Variants in ERN1 observed in about 807,000 individuals in gnomAD.
The protein encoded by ERN1 is endoplasmic reticulum to nucleus signaling 1, also known as serine/threonine-protein kinase/endoribonuclease IRE1.
In ERN1, 39 loss-of-function variants were observed where a neutral mutation model predicts 113.1. The observed-to-expected ratio is 0.34, with a 90% CI of 0.27 to 0.45. The LOEUF (loss-of-function observed/expected upper bound fraction) is 0.45, where lower values mean the gene tolerates loss of function less well. Among genes scored for constraint, ERN1 ranks in the 20% least tolerant of loss-of-function variants. The pLI, the probability that ERN1 is intolerant of heterozygous loss-of-function variation, is 1.00. For missense variants in ERN1, 976 were observed against 1,274.8 expected (o/e 0.77, Z 3.57); for synonymous variants, 507 against 515.9 (o/e 0.98, Z 0.23).
intron 17 of ERN1, among the ~76,000 whole-genome samples, chr17:64,050,556 G>A (rs1465693090): frequency 3.9e-5 from 6 of 152,302 alleles, no homozygotes; most frequent in Non-Finnish European, 7.3e-5. Flanking sequence ...GGATTCAACC[G>A]TAAGGGACTG....
At chr17:64,056,254 TC>T (rs1237421842) in intron 12 of ERN1, among the ~76,000 whole-genome samples, 1 of 152,310 alleles carries the variant, frequency 6.6e-6, no homozygotes, top group East Asian at 1.9e-4. Flanking sequence ...GTTCTAAAAT[TC>T]TGTGATTTTC....
intron 17 of ERN1, among the ~76,000 whole-genome samples, chr17:64,050,814 T>A (rs930558093): frequency 2.0e-5 from 3 of 152,228 alleles, no homozygotes; most frequent in African/African-American, 7.2e-5. Context: ...CGTGCGTGCG[T>A]GTTTTTATGA....
chr17:64,068,671 T>A (rs1023901277), intron 6 of ERN1, among the ~76,000 whole-genome samples: 1 of 152,196 alleles, frequency 6.6e-6, no homozygotes, highest in East Asian at 1.9e-4. Flanking sequence ...ACCTAAAACA[T>A]GTGGCATTGA....
intron 1 of ERN1, among the ~76,000 whole-genome samples, chr17:64,124,411 T>C (rs1915026984): frequency 6.6e-6 from 1 of 152,232 alleles, no homozygotes; most frequent in Non-Finnish European, 1.5e-5. Flanking sequence ...AATCTCATCT[T>C]GTAGCTCCCA....
intron 17 of ERN1, among the ~76,000 whole-genome samples, chr17:64,051,750 A>C (rs1216375442): frequency 6.6e-6 from 1 of 152,092 alleles, no homozygotes; most frequent in Non-Finnish European, 1.5e-5. Context: ...TGGTATATAA[A>C]ACCCAGTAGG....
In ERN1 at chr17:64,042,296, A is replaced by C. The variant is rs886214051; in HGVS notation, c.*1692T>G. ...CAAGGCCTAAGTGAGGTAATCGATG[A>C]GATTTAAGGATGTAGGATCACGTTA... On this transcript the variant is annotated 3_prime_UTR_variant, in exon 22 of 22. Transcript: ENST00000433197. 1 of 152,224 alleles carries C rather than the reference A, an allele frequency of 6.6e-6. No individual in the cohort carries two copies. The highest frequency in any genetic ancestry group is 1.5e-5 in the Non-Finnish European group (1 of 68,036). 9.4% of individuals were successfully genotyped at this position (152,224 alleles called of 1,614,324 possible).
At chr17:64,053,465 G>A (rs1001461817) in intron 15 of ERN1, 94 bp from the exon 16 acceptor site, 3 of 813,872 alleles carry the variant, frequency 3.7e-6, no homozygotes, top group Non-Finnish European at 3.5e-6. Context: ...GAAAGAAATG[G>A]CAAGTTTTAC....
chr17:64,053,465 G>C (rs1001461817), intron 15 of ERN1, 94 bp from the exon 16 acceptor site: 1 of 813,992 alleles, frequency 1.2e-6, no homozygotes, highest in Non-Finnish European at 1.8e-6. Context: ...GAAAGAAATG[G>C]CAAGTTTTAC....
rs1373058876 is a variant in ERN1, at chr17:64,114,588, A to T, written c.54+15388T>A. On this transcript the variant is annotated intron_variant, in intron 1 of 21. Coordinates refer to ENST00000433197, the MANE Select transcript of ERN1 (RefSeq NM_001433.5). ...ATATGGGACACGGTGAGGTTGGGGG[A>T]GAAGTCCCAGAATGGCGTGGGCCAC... Among the ~76,000 whole-genome samples the T allele has an allele frequency of 5.3e-5, 8 of 152,268 alleles. No homozygotes were observed. In the East Asian group the frequency reaches 1.5e-3, roughly 29 times the overall value.
At chr17:64,120,666 T>A (rs1173021550) in intron 1 of ERN1, among the ~76,000 whole-genome samples, 1 of 152,136 alleles carries the variant, frequency 6.6e-6, no homozygotes, top group Non-Finnish European at 1.5e-5. Flanking sequence ...GTTTACCTCA[T>A]GGAGTTTGGC....
At chr17:64,121,137 T>C (rs979675429) in intron 1 of ERN1, among the ~76,000 whole-genome samples, 1 of 152,154 alleles carries the variant, frequency 6.6e-6, no homozygotes, top group African/African-American at 2.4e-5. Flanking sequence ...CTAAGCTAAC[T>C]TGAATCCCTC....
intron 2 of ERN1, among the ~76,000 whole-genome samples, chr17:64,084,258 G>A (rs951371416): frequency 2.6e-5 from 4 of 152,228 alleles, no homozygotes; most frequent in Admixed American, 1.3e-4. Context: ...TGACTCAAAC[G>A]ACACTGTTGA....
intron 6 of ERN1, among the ~76,000 whole-genome samples, chr17:64,070,146 C>T (rs552222374): frequency 5.3e-5 from 8 of 152,210 alleles, no homozygotes; most frequent in East Asian, 1.9e-4. Context: ...AGAGGGAGCC[C>T]GCTGCCATAT....
intron 1 of ERN1, among the ~76,000 whole-genome samples, chr17:64,109,525 G>A (rs75161166): frequency 0.024 from 3,591 of 152,224 alleles, 158 homozygotes; most frequent in African/African-American, 0.082. Flanking sequence ...CTTCTCTACC[G>A]GCCCAGGCCA....
At chr17:64,055,102 G>A (rs72849203) in intron 13 of ERN1, among the ~76,000 whole-genome samples, 8 of 152,346 alleles carry the variant, frequency 5.3e-5, no homozygotes, top group Non-Finnish European at 1.0e-4. Flanking sequence ...ATTCTCCATA[G>A]CGTTTCACAC....
rs781061176 is a variant in ERN1 at position 64,060,484 on chromosome 17, T to C, written c.1191A>G (p.Lys397=). ...RENVIPADSE[K]KSFEEVINLV... The stretch of plus-strand genomic sequence containing the variant: ...CCTCACTCACTTCCTCAAAGCTCTT[T>C]TTCTCTGAATCAGCAGGAATCACAT... Residue 397 remains lysine, a synonymous_variant, in exon 11 of 22, where the codon AAA becomes AAG. Transcript: ENST00000433197. 6.2e-7 allele frequency: 1 copy of C among 1,613,052 alleles called. No individual in the cohort carries two copies. The highest frequency in any genetic ancestry group is 1.3e-5 in the African/African-American group (1 of 74,902).
chr17:64,071,355 C>T (rs552385751), intron 6 of ERN1, among the ~76,000 whole-genome samples: 23 of 152,234 alleles, frequency 1.5e-4, no homozygotes, highest in African/African-American at 4.3e-4. Context: ...CACACCACTA[C>T]AAGTCTTTAA....
In ERN1 at chr17:64,063,734, C is replaced by T. The variant is rs1442300879; in HGVS notation, c.1087+252G>A. Among the ~76,000 whole-genome samples, 1 of 152,196 alleles carries T rather than the reference C, an allele frequency of 6.6e-6. No homozygotes were observed. The highest frequency in any genetic ancestry group is 2.4e-5 in the African/African-American group (1 of 41,434). Reference sequence around the variant, plus strand: ...TAAAGGGCTTAATGTCGGATACTCACACAAGGTTTACATTAATTTAGTACC... The same window carrying T: ...TAAAGGGCTTAATGTCGGATACTCATACAAGGTTTACATTAATTTAGTACC... On this transcript the variant is annotated intron_variant, in intron 10 of 21. Coordinates refer to ENST00000433197, the MANE Select transcript of ERN1 (RefSeq NM_001433.5). This position sits in a 1 kb window ranked among gnomAD's most constrained non-coding sequence, Gnocchi z 5.1.
intron 2 of ERN1, among the ~76,000 whole-genome samples, 151 bp from the exon 3 acceptor site, chr17:64,080,959 T>C (rs196953): frequency 0.58 from 88,177 of 152,144 alleles, 30,169 homozygotes; most frequent in South Asian, 0.77. Context: ...GTTATATGCA[T>C]TTTTGTATCA....
Sources: gnomAD v4.1 joint callset for allele counts (sites outside exome capture counted in the v4.1 genomes callset) on GRCh38, gnomAD v4.1.1 for gene constraint, Gnocchi (gnomAD v3.1) non-coding constraint, MANE v1.5 for transcripts, NCBI Gene and HGNC (gene_info 2026-07-23, HGNC 2026-07-21) for gene names.